The following DUSP15 variants were observed in gnomAD, a reference collection of about 807,000 sequenced individuals.
DUSP15 encodes the protein dual specificity phosphatase 15.
Under a neutral mutation model 26.3 loss-of-function variants are expected in DUSP15, and 23 were observed. That is an observed-to-expected ratio of 0.87 (90% CI 0.63 to 1.24). The LOEUF (loss-of-function observed/expected upper bound fraction) is 1.24, where lower values mean the gene tolerates loss of function less well. Among genes scored for constraint, DUSP15 ranks in the 50% most tolerant of loss-of-function variants. DUSP15 has a pLI of 0.00. For synonymous variants in DUSP15, 143 were observed against 135.5 expected (o/e 1.06, Z -0.39); for missense variants, 364 against 320.6 (o/e 1.14, Z -1.03).
At position 31,863,972 on chromosome 20, in the gene DUSP15, G is replaced by T; in HGVS notation, c.198C>A (p.His66Gln). 1 of 1,614,040 alleles carries T rather than the reference G, an allele frequency of 6.2e-7. No individual in the cohort carries two copies. Among genetic ancestry groups the T allele is most frequent in the Non-Finnish European group, 8.5e-7 (1 of 1,179,956 alleles). Residue 66 changes from histidine (H) to glutamine (Q), a missense_variant, in exon 5 of 7, where the codon CAC becomes CAA. Physicochemically the swap from His to Gln is conservative, Grantham distance 24. Transcript: ENST00000339738. ...GGATGAAGTTGATACATTCTTTGAA[G>T]TGCTTTTTGCTAGAGGAGAAAGCAA... The part of the protein sequence containing the change: ...ADTPEVPIKK[H>Q]FKECINFIHC...
Position 31,867,631 on chromosome 20 carries a change from G to GTTTTTTTT in DUSP15, c.56-486_56-479dup, listed in dbSNP as rs57662463. On this transcript the variant is annotated intron_variant, in intron 2 of 6. Coordinates refer to ENST00000339738, the MANE Select transcript of DUSP15 (RefSeq NM_080611.5). ...GCTGATGTGCAATGATGCCCACAAT[G>GTTTTTTTT]TTTTTTTTTTTTTTTTTTTTTTTTT... Among the ~76,000 whole-genome samples, 53 of 77,630 alleles carry GTTTTTTTT rather than the reference G, an allele frequency of 6.8e-4. 3 individuals are homozygous for GTTTTTTTT. Among genetic ancestry groups the GTTTTTTTT allele is most frequent in the East Asian group, 3.0e-3 (7 of 2,330 alleles). 50.9% of individuals were successfully genotyped at this position (77,630 alleles called of 152,430 possible).
chr20:31,870,275 C>T lies in DUSP15; in HGVS notation c.21+42G>A. On this transcript the variant is annotated intron_variant, in intron 1 of 6. Transcript: ENST00000339738. The surrounding 1 kb of genome is among the most constrained non-coding windows in gnomAD (Gnocchi z 6.6). ...CTGGTCAGCGCCGGGCCGCGGCGGC[C>T]GGGGCGGGGACCGGGGAGGCTGCGC... 1.6e-6 allele frequency: 2 copies of T among 1,226,350 alleles called. No individual in the cohort carries two copies. The highest frequency in any genetic ancestry group is 4.1e-5 in the South Asian group (1 of 24,254). 76.0% of individuals were successfully genotyped at this position (1,226,350 alleles called of 1,614,324 possible).
chr20:31,870,214 C>T lies in DUSP15; in HGVS notation c.21+103G>A. The stretch of plus-strand genomic sequence containing the variant: ...CACGGAGATGCCGCCGCACGGAGAC[C>T]GGCGAGAACAGAAGGTCAGAGGCGG... On this transcript the variant is annotated intron_variant, in intron 1 of 6. Coordinates refer to ENST00000339738, the MANE Select transcript of DUSP15 (RefSeq NM_080611.5). The surrounding 1 kb of genome is among the most constrained non-coding windows in gnomAD (Gnocchi z 6.6). The T allele has an allele frequency of 6.5e-6, 8 of 1,225,834 alleles. No individual in the cohort carries two copies. The highest frequency in any genetic ancestry group is 3.2e-5 in the East Asian group (1 of 31,048). The allele number at this position is 1,225,834 out of a possible 1,614,324, so 75.9% of individuals were successfully genotyped here. A position where few individuals can be genotyped will look rare whatever the true frequency, so the allele number is the denominator to read the frequency against.
At chr20:31,848,190 C>T in exon 10 of DUSP15, 1 of 509,774 alleles carries the variant, frequency 2.0e-6, no homozygotes, top group Non-Finnish European at 3.4e-6. Context: ...GCCTCAAGAT[C>T]AAGTTCAGTT....
chr20:31,852,927 C>T (rs2062498134), intron 6 of DUSP15, among the ~76,000 whole-genome samples: 1 of 152,192 alleles, frequency 6.6e-6, no homozygotes, highest in African/African-American at 2.4e-5. Flanking sequence ...GGAGGGGCCT[C>T]TTTGTTGGTG....
chr20:31,853,951 G>A (rs952765131), intron 6 of DUSP15, among the ~76,000 whole-genome samples: 2 of 152,006 alleles, frequency 1.3e-5, no homozygotes, highest in African/African-American at 4.8e-5. Flanking sequence ...TCTTTCAGGA[G>A]GTAACATTTG....
chr20:31,864,093 A>G, intron 4 of DUSP15, 112 bp from the exon 5 acceptor site: 1 of 1,541,322 alleles, frequency 6.5e-7, no homozygotes, highest in Non-Finnish European at 8.8e-7. Flanking sequence ...TGGGGTCCCC[A>G]GGTCAGCCAG....
chr20:31,850,573 A>C, intron 7 of DUSP15: 1 of 1,591,428 alleles, frequency 6.3e-7, no homozygotes, highest in Non-Finnish European at 8.6e-7. Flanking sequence ...TCCCCAGTTC[A>C]GCACACTGGT....
At chr20:31,869,091 G>A (rs1222352407) in intron 2 of DUSP15, among the ~76,000 whole-genome samples, 1 of 152,190 alleles carries the variant, frequency 6.6e-6, no homozygotes. Flanking sequence ...CTCTGACAAG[G>A]AGGAAGTTAT....
upstream of DUSP15, chr20:31,870,621 C>T (rs745380380): frequency 5.2e-6 from 7 of 1,351,978 alleles, no homozygotes; most frequent in East Asian, 1.4e-4. This position sits in a 1 kb window ranked among gnomAD's most constrained non-coding sequence, Gnocchi z 6.6. Flanking sequence ...GGCGGGGGGC[C>T]GGACAAAGCC....
In DUSP15 at chr20:31,861,240, A is replaced by G. The variant is rs146846724; in HGVS notation, c.*163T>C. On this transcript the variant is annotated 3_prime_UTR_variant, in exon 7 of 7. Coordinates refer to ENST00000339738, the MANE Select transcript of DUSP15 (RefSeq NM_080611.5). ...GGACACAGAGACGCACAGGTTGGGGACGCTGACTGCAGACGCGGACGAGCA... is the reference window on the plus strand; with the variant it reads ...GGACACAGAGACGCACAGGTTGGGGGCGCTGACTGCAGACGCGGACGAGCA... 5.6e-5 allele frequency: 76 copies of G among 1,359,410 alleles called. No individual in the cohort carries two copies. Among genetic ancestry groups the G allele is most frequent in the Non-Finnish European group, 6.6e-5 (70 of 1,063,030 alleles). 84.2% of individuals were successfully genotyped at this position (1,359,410 alleles called of 1,614,324 possible). A position where few individuals can be genotyped will look rare whatever the true frequency, so the allele number is the denominator to read the frequency against.
intron 4 of DUSP15, 95 bp downstream of exon 4, chr20:31,864,858 G>T: frequency 7.7e-7 from 1 of 1,303,126 alleles, no homozygotes; most frequent in Non-Finnish European, 1.1e-6. Flanking sequence ...TAGCTCTCTG[G>T]CCTGAGTACT....
At chr20:31,847,279 A>G (rs556757774), downstream of DUSP15, among the ~76,000 whole-genome samples, 42 of 152,260 alleles carry the variant, frequency 2.8e-4, no homozygotes, top group South Asian at 6.0e-3. Flanking sequence ...GGATTCTGTA[A>G]TTCCTAAATA....
At chr20:31,847,399 G>C (rs1487644021), downstream of DUSP15, among the ~76,000 whole-genome samples, 3 of 152,178 alleles carry the variant, frequency 2.0e-5, no homozygotes, top group African/African-American at 7.2e-5. Context: ...TGTACCCCCA[G>C]AGTCACACAC....
At chr20:31,866,988 G>T in intron 3 of DUSP15, 83 bp downstream of exon 3, 1 of 1,303,632 alleles carries the variant, frequency 7.7e-7, no homozygotes, top group Non-Finnish European at 1.1e-6. Flanking sequence ...AGGAAGCATA[G>T]CACCTAGCAC....
downstream of DUSP15, chr20:31,861,017 C>G (rs957751801): frequency 9.6e-7 from 1 of 1,038,512 alleles, no homozygotes; most frequent in Non-Finnish European, 1.2e-6. Flanking sequence ...CTGCTGGCTC[C>G]TGGCAGAATC....
intron 3 of DUSP15, among the ~76,000 whole-genome samples, chr20:31,865,944 C>A (rs886266510): frequency 6.6e-6 from 1 of 152,196 alleles, no homozygotes; most frequent in South Asian, 2.1e-4. Flanking sequence ...CATGACTTGA[C>A]AACCTTCCCC....
chr20:31,861,372 G>A lies in DUSP15; in HGVS notation c.*31C>T, dbSNP rs1375239744. 2 of 1,507,930 alleles carry A rather than the reference G, an allele frequency of 1.3e-6. No homozygotes were observed. Among genetic ancestry groups the A allele is most frequent in the South Asian group, 2.5e-5 (2 of 79,262 alleles). 93.4% of individuals were successfully genotyped at this position (1,507,930 alleles called of 1,614,324 possible). ...AGACAGCCCCCGAAGGGAGCCAGTC[G>A]GAAGTGGGGAGCCACGGCTGGACTG... On this transcript the variant is annotated 3_prime_UTR_variant, in exon 7 of 7. Coordinates refer to ENST00000339738, the MANE Select transcript of DUSP15 (RefSeq NM_080611.5).
rs1365025921 is a variant in DUSP15, at chr20:31,864,928, T to A, written c.188+25A>T. The stretch of plus-strand genomic sequence containing the variant: ...CACAGAAGGCAGCTGTCTGTCCATC[T>A]ATGGGTCCATCCAGGGGAACTTACA... On this transcript the variant is annotated intron_variant, in intron 4 of 6. Transcript: ENST00000339738. The A allele has an allele frequency of 2.5e-6, 4 of 1,610,270 alleles. No individual in the cohort carries two copies. The Admixed American group carries it at 6.7e-5, about 27-fold the overall frequency.
Sources: allele counts gnomAD v4.1 joint callset (sites outside exome capture counted in the v4.1 genomes callset), GRCh38; gene constraint gnomAD v4.1.1; non-coding constraint Gnocchi (gnomAD v3.1); transcripts MANE v1.5; gene names NCBI Gene and HGNC (gene_info 2026-07-23, HGNC 2026-07-21).